Variants in RIGI observed in about 807,000 individuals in gnomAD.
The protein encoded by RIGI is antiviral innate immune response receptor RIG-I.
the RIGI span, among the ~76,000 whole-genome samples, chr9:32,458,190 C>T: frequency 0.036 from 5,546 of 152,174 alleles, 271 homozygotes; most frequent in African/African-American, 0.12. Flanking sequence ...AAGAGTTATA[C>T]CCCATATTTC....
chr9:32,474,927 C>T, the RIGI span, among the ~76,000 whole-genome samples: 3 of 151,938 alleles, frequency 2.0e-5, no homozygotes, highest in Non-Finnish European at 1.5e-5. Flanking sequence ...GTCATTCCTC[C>T]CCAATTTTAT....
chr9:32,506,963 C>T, the RIGI span, among the ~76,000 whole-genome samples: 3 of 152,160 alleles, frequency 2.0e-5, no homozygotes, highest in Non-Finnish European at 2.9e-5. Flanking sequence ...GATTGCCGTG[C>T]TTACTTTTGA....
the RIGI span, among the ~76,000 whole-genome samples, chr9:32,481,186 C>G: frequency 6.6e-6 from 1 of 152,146 alleles, no homozygotes; most frequent in Non-Finnish European, 1.5e-5. Context: ...TTGAATGGGA[C>G]AACTTTTGGA....
At chr9:32,467,131 G>A in the RIGI span, among the ~76,000 whole-genome samples, 50,828 of 151,938 alleles carry the variant, frequency 0.33, 9,365 homozygotes, top group South Asian at 0.47. Context: ...GAGCAGTTCC[G>A]TCAACAAGCA....
the RIGI span, among the ~76,000 whole-genome samples, chr9:32,497,612 C>T: frequency 2.0e-5 from 3 of 152,146 alleles, no homozygotes; most frequent in Admixed American, 6.5e-5. Flanking sequence ...CCAGGCATGG[C>T]GGCGAGCACC....
At chr9:32,520,938 G>A in the RIGI span, among the ~76,000 whole-genome samples, 85 of 152,020 alleles carry the variant, frequency 5.6e-4, no homozygotes, top group Middle Eastern at 3.4e-3. Flanking sequence ...CTGAGGCCAC[G>A]AGTTGGAGAC....
At chr9:32,526,074 G>T in the RIGI span, 1 of 1,612,782 alleles carries the variant, frequency 6.2e-7, no homozygotes, top group Non-Finnish European at 8.5e-7. Context: ...CCCTAAACCA[G>T]GGGGCCATGT....
the RIGI span, among the ~76,000 whole-genome samples, chr9:32,483,990 A>C: frequency 6.6e-6 from 1 of 152,162 alleles, no homozygotes; most frequent in Non-Finnish European, 1.5e-5. Flanking sequence ...CTTAGGGTTC[A>C]TGCTGTATTC....
chr9:32,488,188 GCCTGTAACTCTATA>G, the RIGI span: 1 of 1,613,954 alleles, frequency 6.2e-7, no homozygotes, highest in South Asian at 1.1e-5. Flanking sequence ...CTCCAGAAAT[GCCTGTAACTCTATA>G]CCTGGGAAAT....
chr9:32,473,571 C>G, the RIGI span, among the ~76,000 whole-genome samples: 1 of 152,086 alleles, frequency 6.6e-6, no homozygotes, highest in Non-Finnish European at 1.5e-5. Context: ...AGGCATGAGC[C>G]ACCGCACCTG....
the RIGI span, among the ~76,000 whole-genome samples, chr9:32,513,541 C>T: frequency 6.6e-6 from 1 of 152,146 alleles, no homozygotes; most frequent in African/African-American, 2.4e-5. Flanking sequence ...AAAACTGAAA[C>T]TGGACCACTT....
chr9:32,510,730 C>T, the RIGI span, among the ~76,000 whole-genome samples: 1 of 152,280 alleles, frequency 6.6e-6, no homozygotes, highest in East Asian at 1.9e-4. Context: ...CAAATTCACA[C>T]ATAACAATAT....
the RIGI span, among the ~76,000 whole-genome samples, chr9:32,460,432 CATG>C: frequency 6.6e-6 from 1 of 151,846 alleles, no homozygotes; most frequent in Admixed American, 6.6e-5. Flanking sequence ...GAACCATGGA[CATG>C]ATATTATAAA....
chr9:32,486,409 G>A, the RIGI span, among the ~76,000 whole-genome samples: 4 of 141,842 alleles, frequency 2.8e-5, no homozygotes, highest in African/African-American at 8.1e-5. Context: ...AGCCGAGATC[G>A]CACCACTGCA....
At chr9:32,491,402 G>A in the RIGI span, 2 of 1,610,014 alleles carry the variant, frequency 1.2e-6, no homozygotes, top group Admixed American at 1.7e-5. Context: ...AAGATCTTCT[G>A]TTTCAACATC....
At chr9:32,456,520 T>C in the RIGI span, 2 of 153,542 alleles carry the variant, frequency 1.3e-5, no homozygotes, top group South Asian at 2.0e-4. Context: ...GTACAGTATA[T>C]ACATGTATAT....
chr9:32,507,776 G>C, the RIGI span, among the ~76,000 whole-genome samples: 3 of 151,954 alleles, frequency 2.0e-5, no homozygotes, highest in Non-Finnish European at 4.4e-5. Context: ...TTCCCAAAGT[G>C]CTGGAATTAC....
the RIGI span, among the ~76,000 whole-genome samples, chr9:32,482,853 TAAA>T: frequency 7.0e-6 from 1 of 142,266 alleles, no homozygotes; most frequent in Admixed American, 7.0e-5. Context: ...GTGAGACTCT[TAAA>T]AAAAAAAAAA....
chr9:32,475,276 A>T, the RIGI span, among the ~76,000 whole-genome samples: 2 of 152,128 alleles, frequency 1.3e-5, no homozygotes, highest in Non-Finnish European at 2.9e-5. Flanking sequence ...AGATTCAATA[A>T]AATCCCAGCA....
Sources: gnomAD v4.1 joint callset for allele counts (sites outside exome capture counted in the v4.1 genomes callset) on GRCh38, gnomAD v4.1.1 for gene constraint, MANE v1.5 for transcripts, NCBI Gene and HGNC (gene_info 2026-07-23, HGNC 2026-07-21) for gene names.